Variants in NEB observed in about 807,000 individuals in gnomAD.
NEB encodes the protein nebulin.
In NEB, 512 loss-of-function variants were observed where a neutral mutation model predicts 952.2. The ratio of observed to expected loss-of-function variants is 0.54; its 90% CI spans 0.50 to 0.58. The LOEUF is 0.58. Ranked by LOEUF, NEB falls within the 20% of genes least tolerant of loss-of-function variation. The pLI is 0.00. For synonymous variants in NEB, 2,900 were observed against 3,149.8 expected (o/e 0.92, Z 2.66); for missense variants, 8,428 against 9,231.1 (o/e 0.91, Z 3.56).
At chr2:151,619,917 T>C (rs916244751) in intron 72 of NEB, among the ~76,000 whole-genome samples, 155 bp from the exon 73 acceptor site, 14 of 152,214 alleles carry the variant, frequency 9.2e-5, no homozygotes, top group Non-Finnish European at 1.8e-4. Context: ...TTGTGCTCAT[T>C]GGCACATGTC....
At chr2:151,502,717 A>G in intron 167 of NEB, 76 bp downstream of exon 167, 1 of 806,386 alleles carries the variant, frequency 1.2e-6, no homozygotes, top group Non-Finnish European at 2.0e-6. Flanking sequence ...TGAATTTAGT[A>G]ATTTTACATT....
intron 88 of NEB, 101 bp from the exon 89 acceptor site, chr2:151,600,854 TG>T (rs1450992985): frequency 7.0e-5 from 1 of 14,342 alleles, no homozygotes; most frequent in Non-Finnish European, 1.3e-4. Context: ...TTACCTTTTT[TG>T]GGGGGGTCGG....
intron 27 of NEB, among the ~76,000 whole-genome samples, chr2:151,686,045 C>T (rs2099495736): frequency 1.3e-5 from 2 of 152,132 alleles, no homozygotes; most frequent in East Asian, 1.9e-4. Context: ...AGTATGCAAA[C>T]TTTGTGATAG....
At position 151,687,730 on chromosome 2, in the gene NEB, C is replaced by T. The variant is rs914815991; in HGVS notation, c.2419G>A (p.Val807Ile). Reference sequence around the variant, plus strand: ...CTCTTCTCCCAGTCTTGCTTATAAACATTCTGGACAAGAAAAATTCAGCAA... The same window carrying T: ...CTCTTCTCCCAGTCTTGCTTATAAATATTCTGGACAAGAAAAATTCAGCAA... ...RVNAYNLSDN[V>I]YKQDWEKSKA... The change falls in exon 26 of 182, where the codon GTT becomes ATT. Residue 807 changes from valine to isoleucine, a missense_variant. Transcript: ENST00000397345. 1 of 1,576,894 alleles carries T rather than the reference C, an allele frequency of 6.3e-7. No homozygotes were observed.
At position 151,525,815 on chromosome 2, in the gene NEB, G is replaced by C. The variant is rs7597735; in HGVS notation, c.22161+143C>G. 6.0e-5 allele frequency: 45 copies of C among 745,560 alleles called. No homozygotes were observed. The South Asian group carries it at 6.9e-4, about 11-fold the overall frequency. 46.2% of individuals were successfully genotyped at this position (745,560 alleles called of 1,614,324 possible). On this transcript the variant is annotated intron_variant, in intron 150 of 181. Coordinates refer to ENST00000397345, the MANE Select transcript of NEB (RefSeq NM_001164508.2). ...CAATAAATACTGGGTCATTTTAAAAGTCAGAGTTTAAGATTCACATGTAGA... is the reference window on the plus strand; with the variant it reads ...CAATAAATACTGGGTCATTTTAAAACTCAGAGTTTAAGATTCACATGTAGA...
rs1394119778 is a variant in NEB, at chr2:151,636,273, G to T, written c.9056C>A (p.Ala3019Asp). Residue 3019 changes from alanine to aspartate, a missense_variant, in exon 64 of 182, where the codon GCC becomes GAC. Physicochemically the swap from Ala to Asp is moderately radical, Grantham distance 126 (BLOSUM62 -2). Around this residue, in one of 11 missense-constraint regions of NEB, gnomAD observed 1,772 missense variants for 1,960.3 expected, o/e 0.90. Transcript: ENST00000397345. ...GGCCTTGGCCGCCACGATGGGGATG[G>T]CGTCGCTTCGCAAGTCATAGCCTTT... ...KKKGYDLRSDAIPIVAAKASR... is the reference protein window; with the variant it reads ...KKKGYDLRSDDIPIVAAKASR... 1 of 1,610,226 alleles carries T rather than the reference G, an allele frequency of 6.2e-7. No individual in the cohort carries two copies. Among genetic ancestry groups the T allele is most frequent in the Admixed American group, 1.7e-5 (1 of 60,018 alleles).
intron 138 of NEB, among the ~76,000 whole-genome samples, chr2:151,539,653 A>G (rs1191294891): frequency 2.0e-5 from 3 of 152,142 alleles, no homozygotes; most frequent in East Asian, 1.9e-4. Flanking sequence ...AGGATTGGCT[A>G]TTTACCTTGG....
At chr2:151,577,044 A>G (rs761215046) in intron 105 of NEB, among the ~76,000 whole-genome samples, 14 of 152,348 alleles carry the variant, frequency 9.2e-5, no homozygotes, top group Middle Eastern at 3.4e-3. Context: ...AATAATATTT[A>G]GGTTATCATC....
chr2:151,671,096 G>C lies in NEB; in HGVS notation c.4433C>G (p.Thr1478Ser). Residue 1478 changes from threonine (T) to serine (S), a missense_variant, in exon 38 of 182, where the codon ACC becomes AGC. Around this residue, in one of 11 missense-constraint regions of NEB, gnomAD observed 2,851 missense variants for 2,791.5 expected, o/e 1.02. Coordinates refer to ENST00000397345, the MANE Select transcript of NEB (RefSeq NM_001164508.2). Reference protein sequence around the residue: ...NERKYRQHPDTVKFTSVPDSM... With the variant: ...NERKYRQHPDSVKFTSVPDSM... ...ATCAGGCACACTTGTGAACTTGACG[G>C]TATCTGGGTGCTGTCGATACTTCCT... 1 of 1,613,984 alleles carries C rather than the reference G, an allele frequency of 6.2e-7. No individual in the cohort carries two copies.
At position 151,643,196 on chromosome 2, in the gene NEB, G is replaced by A; in HGVS notation, c.8114C>T (p.Ser2705Phe). ...GTTTTTTGCCAAAACCATTGGTATGGAATCCATAAGGCTGGAAAACTTAAA... is the reference window on the plus strand; with the variant it reads ...GTTTTTTGCCAAAACCATTGGTATGAAATCCATAAGGCTGGAAAACTTAAA... ...DQFKFSSLMDSIPMVLAKNNA... is the reference protein window; with the variant it reads ...DQFKFSSLMDFIPMVLAKNNA... Residue 2705 changes from serine (S) to phenylalanine (F), a missense_variant, in exon 58 of 182, where the codon TCC becomes TTC. This residue lies in a region of NEB where 1,772 missense variants were observed against 1,960.3 expected (regional missense o/e 0.90). Transcript: ENST00000397345. 9 of 1,613,838 alleles carry A rather than the reference G, an allele frequency of 5.6e-6. No homozygotes were observed. The highest frequency in any genetic ancestry group is 7.6e-6 in the Non-Finnish European group (9 of 1,179,806).
Position 151,644,509 on chromosome 2 carries a change from G to T in NEB, c.7603C>A (p.Pro2535Thr). ...KGYDLPVDAI[P>T]IKAAKASREI... ...CGGGAGGCTTTTGCTGCTTTGATTG[G>T]TATGGCATCAACAGGAAGATCGTAA... Residue 2535 changes from proline (P) to threonine (T), a missense_variant, in exon 56 of 182, where the codon CCA becomes ACA. By Grantham distance (38) the Pro-to-Thr change is conservative. This residue lies in a region of NEB where 1,772 missense variants were observed against 1,960.3 expected (regional missense o/e 0.90). Transcript: ENST00000397345. 5 of 1,613,894 alleles carry T rather than the reference G, an allele frequency of 3.1e-6. No individual in the cohort carries two copies. Among genetic ancestry groups the T allele is most frequent in the Non-Finnish European group, 4.2e-6 (5 of 1,179,846 alleles).
chr2:151,645,352 C>T (rs1283780358), intron 55 of NEB, among the ~76,000 whole-genome samples: 1 of 152,188 alleles, frequency 6.6e-6, no homozygotes, highest in Non-Finnish European at 1.5e-5. Flanking sequence ...CAAAATGGGA[C>T]CATCCAAAAT....
chr2:151,639,863 C>G lies in NEB; in HGVS notation c.8883G>C (p.Met2961Ile). 6.2e-7 allele frequency: 1 copy of G among 1,612,644 alleles called. No individual in the cohort carries two copies. The highest frequency in any genetic ancestry group is 1.1e-5 in the South Asian group (1 of 90,922). The part of the protein sequence containing the change: ...QVLAKNNAIT[M>I]NKRLYTEAWD... ...CTTAATTTTGAAGTCTCACCTTGTT[C>G]ATAGTGATGGCATTATTTTTGGCCA... The change falls in exon 62 of 182, where the codon ATG becomes ATC. Residue 2961 changes from methionine (M) to isoleucine (I), a missense_variant. Met to Ile is a conservative substitution (Grantham distance 10). Transcript: ENST00000397345.
At chr2:151,724,752 G>A in intron 7 of NEB, 105 bp downstream of exon 7, 1 of 844,978 alleles carries the variant, frequency 1.2e-6, no homozygotes, top group Non-Finnish European at 1.9e-6. Context: ...CACTGCCCAT[G>A]AGGCTGGTGG....
At chr2:151,710,688 T>C (rs767713239) in intron 10 of NEB, 150 bp from the exon 11 acceptor site, 6 of 520,254 alleles carry the variant, frequency 1.2e-5, no homozygotes, top group East Asian at 3.1e-5. Flanking sequence ...AATCTTCCAA[T>C]GTACTGTCAA....
chr2:151,646,661 T>TTGTTATCACTATCACAC (rs2098963226), intron 54 of NEB, among the ~76,000 whole-genome samples: 1 of 152,192 alleles, frequency 6.6e-6, no homozygotes, highest in South Asian at 2.1e-4. Context: ...ATCACTATCA[T>TTGTTATCACTATCACAC]TATTTTGACA....
At chr2:151,558,869 C>T (rs1366925099) in intron 124 of NEB, among the ~76,000 whole-genome samples, 5 of 152,156 alleles carry the variant, frequency 3.3e-5, no homozygotes, top group African/African-American at 7.2e-5. Context: ...CTAGGCAATA[C>T]CTTTCAGGAC....
rs1221549708 is a variant in NEB at position 151,563,704 on chromosome 2, T to C, written c.18595A>G (p.Thr6199Ala). ...TAGTGACCTTTCTGCTTCTCATATGTCTCTTTGTATTTAAGCTGTAAAGTG... is the reference window on the plus strand; with the variant it reads ...TAGTGACCTTTCTGCTTCTCATATGCCTCTTTGTATTTAAGCTGTAAAGTG... Reference protein sequence around the residue: ...LVNSELKYKETYEKQKGHYLA... With the variant: ...LVNSELKYKEAYEKQKGHYLA... The change falls in exon 119 of 182, where the codon ACA (threonine) becomes GCA (alanine). Residue 6199 changes from threonine to alanine, a missense_variant. Around this residue, in one of 11 missense-constraint regions of NEB, gnomAD observed 3,374 missense variants for 3,651.5 expected, o/e 0.92. Coordinates refer to ENST00000397345, the MANE Select transcript of NEB (RefSeq NM_001164508.2). 1 of 1,613,678 alleles carries C rather than the reference T, an allele frequency of 6.2e-7. No individual in the cohort carries two copies. Among genetic ancestry groups the C allele is most frequent in the Non-Finnish European group, 8.5e-7 (1 of 1,179,634 alleles).
chr2:151,695,239 A>G (rs1187927441), intron 18 of NEB, among the ~76,000 whole-genome samples: 1 of 152,212 alleles, frequency 6.6e-6, no homozygotes, highest in African/African-American at 2.4e-5. Context: ...TTATAGGCCC[A>G]GGGAATAAAT....
Sources: gnomAD v4.1 joint callset for allele counts (sites outside exome capture counted in the v4.1 genomes callset) on GRCh38, gnomAD v4.1.1 for gene constraint, gnomAD v4.1.1 regional missense constraint, MANE v1.5 for transcripts, NCBI Gene and HGNC (gene_info 2026-07-23, HGNC 2026-07-21) for gene names.